MAPRE1: variants seen among roughly 807,000 people sequenced by gnomAD.
MAPRE1 encodes the protein microtubule associated protein RP/EB family member 1.
MAPRE1 carries 5 observed loss-of-function variants against 32.1 expected under a neutral mutation model. That is an observed-to-expected ratio of 0.16 (90% CI 0.08 to 0.33). MAPRE1 has a LOEUF of 0.33. Ranked by LOEUF, MAPRE1 falls within the 10% of genes least tolerant of loss-of-function variation. MAPRE1 has a pLI of 1.00. For missense variants in MAPRE1, 209 were observed against 327.2 expected, an observed-to-expected ratio of 0.64 and a Z score of 2.79; for synonymous variants, 122 against 118.9, an observed-to-expected ratio of 1.03 and a Z score of -0.17.
chr20:32,828,030 C>G (rs558032633), intron 2 of MAPRE1, among the ~76,000 whole-genome samples: 1 of 151,096 alleles, frequency 6.6e-6, no homozygotes, highest in Non-Finnish European at 1.5e-5. Context: ...TTGTTATTTC[C>G]TTGGTGAGGT....
chr20:32,826,663 A>G (rs1982861834), intron 2 of MAPRE1, among the ~76,000 whole-genome samples: 1 of 149,848 alleles, frequency 6.7e-6, no homozygotes, highest in African/African-American at 2.5e-5. Flanking sequence ...AGTACCTGGG[A>G]CTACAGGCGT....
intron 6 of MAPRE1, among the ~76,000 whole-genome samples, chr20:32,848,444 A>G (rs1983564318): frequency 6.6e-6 from 1 of 152,228 alleles, no homozygotes; most frequent in Non-Finnish European, 1.5e-5. Context: ...TAATGAAGAC[A>G]ATGTAAATAT....
chr20:32,838,144 A>G (rs897793626), intron 4 of MAPRE1, among the ~76,000 whole-genome samples: 1 of 152,044 alleles, frequency 6.6e-6, no homozygotes. Context: ...CACTTTCCCC[A>G]GCTTTACCCC....
At chr20:32,820,372 T>A (rs1982658894) in intron 1 of MAPRE1, among the ~76,000 whole-genome samples, 1 of 147,090 alleles carries the variant, frequency 6.8e-6, no homozygotes, top group Non-Finnish European at 1.5e-5. Flanking sequence ...AGGTGGGCCG[T>A]CCTGGGAGCT....
chr20:32,849,597 A>T lies in MAPRE1; in HGVS notation c.*869A>T, dbSNP rs1568885288. On this transcript the variant is annotated 3_prime_UTR_variant, in exon 7 of 7. Transcript: ENST00000375571. ...GGGATTTGAATGGGGATTGTATCCCATTTTACTGTCTTTTAGGTTTACATT... is the reference window on the plus strand; with the variant it reads ...GGGATTTGAATGGGGATTGTATCCCTTTTTACTGTCTTTTAGGTTTACATT... The T allele has an allele frequency of 6.6e-6, 1 of 152,584 alleles. No individual in the cohort carries two copies. The highest frequency in any genetic ancestry group is 6.5e-5 in the Admixed American group (1 of 15,270). The allele number at this position is 152,584 out of a possible 1,614,324, so 9.5% of individuals were successfully genotyped here.
At chr20:32,839,054 A>G (rs1338899386) in intron 4 of MAPRE1, among the ~76,000 whole-genome samples, 1 of 152,162 alleles carries the variant, frequency 6.6e-6, no homozygotes, top group Non-Finnish European at 1.5e-5. Context: ...GTCTATAAAT[A>G]CTAGTCAGTG....
chr20:32,830,584 T>C lies in MAPRE1; in HGVS notation c.122-3133T>C, dbSNP rs148343876. On this transcript the variant is annotated intron_variant, in intron 2 of 6. Coordinates refer to ENST00000375571, the MANE Select transcript of MAPRE1 (RefSeq NM_012325.3). The stretch of plus-strand genomic sequence containing the variant: ...TAGATCCAGCCCCTTCTCAGATTGC[T>C]CACTGCTGCTGCAGTGGCCTCCTGA... 1.2e-4 allele frequency among the ~76,000 whole-genome samples: 19 copies of C among 152,292 alleles called. 1 individual carries two copies. The highest frequency in any genetic ancestry group is 3.4e-3 in the Middle Eastern group (1 of 294).
chr20:32,843,440 A>G (rs1354943000), intron 5 of MAPRE1: 4 of 152,222 alleles, frequency 2.6e-5, no homozygotes, highest in Non-Finnish European at 5.9e-5. Flanking sequence ...AGTCCAAAGC[A>G]GTGCTGTCCA....
chr20:32,832,171 C>T (rs1190697512), intron 2 of MAPRE1, among the ~76,000 whole-genome samples: 1 of 152,166 alleles, frequency 6.6e-6, no homozygotes, highest in African/African-American at 2.4e-5. Context: ...TCGGCCTGAC[C>T]TCAAGTAAGT....
Position 32,839,786 on chromosome 20 carries a change from G to C in MAPRE1, c.527G>C (p.Gly176Ala). Residue 176 changes from glycine (G) to alanine (A), a missense_variant, in exon 5 of 7, where the codon GGC becomes GCC. Around this residue, in one of 3 missense-constraint regions of MAPRE1, gnomAD observed 106 missense variants for 115.3 expected, o/e 0.92. Coordinates refer to ENST00000375571, the MANE Select transcript of MAPRE1 (RefSeq NM_012325.3). ...TQRTAAAPKAGPGVVRKNPGV... is the reference protein window; with the variant it reads ...TQRTAAAPKAAPGVVRKNPGV... Reference sequence around the variant, plus strand: ...AGAACCGCTGCGGCTCCTAAGGCTGGCCCTGGTGTGGTGCGAAAGAACCCT... The same window carrying C: ...AGAACCGCTGCGGCTCCTAAGGCTGCCCCTGGTGTGGTGCGAAAGAACCCT... The C allele has an allele frequency of 2.5e-6, 4 of 1,614,212 alleles. No homozygotes were observed. The highest frequency in any genetic ancestry group is 3.4e-6 in the Non-Finnish European group (4 of 1,180,036).
chr20:32,839,922 G>A, intron 5 of MAPRE1, 66 bp downstream of exon 5: 1 of 1,596,492 alleles, frequency 6.3e-7, no homozygotes, highest in East Asian at 2.2e-5. Flanking sequence ...TGGCCAGGGT[G>A]CCTTATCCGT....
chr20:32,824,632 C>T (rs1032677865), intron 1 of MAPRE1, among the ~76,000 whole-genome samples: 1 of 151,276 alleles, frequency 6.6e-6, no homozygotes, highest in African/African-American at 2.4e-5. Flanking sequence ...TTTTTAATAT[C>T]TAGGTATTGA....
intron 3 of MAPRE1, 130 bp from the exon 4 acceptor site, chr20:32,836,504 C>A: frequency 1.6e-6 from 1 of 613,106 alleles, no homozygotes; most frequent in African/African-American, 1.9e-5. Flanking sequence ...AATTTAGGGG[C>A]TTAGCCCTAA....
chr20:32,837,363 CT>C (rs1488924050), intron 4 of MAPRE1, among the ~76,000 whole-genome samples: 3 of 152,178 alleles, frequency 2.0e-5, no homozygotes, highest in Non-Finnish European at 4.4e-5. Flanking sequence ...TGCCCTAGAA[CT>C]TTAGCTGCTA....
chr20:32,826,013 A>G lies in MAPRE1; in HGVS notation c.86A>G (p.Gln29Arg), dbSNP rs761590869. The change falls in exon 2 of 7, where the codon CAG becomes CGG. Residue 29 changes from glutamine (Q) to arginine (R), a missense_variant. This residue lies in a region of MAPRE1 where 67 missense variants were observed against 140.0 expected (regional missense o/e 0.48). Coordinates refer to ENST00000375571, the MANE Select transcript of MAPRE1 (RefSeq NM_012325.3). ...DMLAWINESLQLNLTKIEQLC... is the reference protein window; with the variant it reads ...DMLAWINESLRLNLTKIEQLC... Reference sequence around the variant, plus strand: ...CTGGCCTGGATCAATGAGTCTCTGCAGTTGAATCTGACAAAGATCGAACAG... The same window carrying G: ...CTGGCCTGGATCAATGAGTCTCTGCGGTTGAATCTGACAAAGATCGAACAG... The G allele has an allele frequency of 7.5e-6, 12 of 1,608,636 alleles. No homozygotes were observed. The East Asian group carries it at 1.6e-4, about 21-fold the overall frequency.
chr20:32,831,842 CTTTT>C (rs1983035574), intron 2 of MAPRE1, among the ~76,000 whole-genome samples: 1 of 145,004 alleles, frequency 6.9e-6, no homozygotes, highest in East Asian at 2.0e-4. Context: ...GCCAATTTTT[CTTTT>C]TTTTAATTGT....
rs58685497 is a variant in MAPRE1 at position 32,831,947 on chromosome 20, CAA to C, written c.122-1754_122-1753del. ...GTTTTTAAAAAAAGTTCGTCCGTTT[CAA>C]AAAAAAAAAAAAAAACAAAAGAATG... On this transcript the variant is annotated intron_variant, in intron 2 of 6. Coordinates refer to ENST00000375571, the MANE Select transcript of MAPRE1 (RefSeq NM_012325.3). Among the ~76,000 whole-genome samples, 352 of 111,586 alleles carry C rather than the reference CAA, an allele frequency of 3.2e-3. 2 individuals carry two copies. The highest frequency in any genetic ancestry group is 9.5e-3 in the African/African-American group (318 of 33,648). 73.2% of individuals were successfully genotyped at this position (111,586 alleles called of 152,430 possible).
chr20:32,825,814 T>C (rs1601159701), intron 1 of MAPRE1, 111 bp from the exon 2 acceptor site: 1 of 739,902 alleles, frequency 1.4e-6, no homozygotes, highest in African/African-American at 1.8e-5. Flanking sequence ...TAAAATAAAA[T>C]AAAATTGAGT....
intron 3 of MAPRE1, among the ~76,000 whole-genome samples, chr20:32,835,226 A>G (rs1983154341): frequency 6.6e-6 from 1 of 152,154 alleles, no homozygotes; most frequent in African/African-American, 2.4e-5. Flanking sequence ...CCCCATCTCT[A>G]AAAAAGATTA....
Sources: gnomAD v4.1 joint callset for allele counts (sites outside exome capture counted in the v4.1 genomes callset) on GRCh38, gnomAD v4.1.1 for gene constraint, gnomAD v4.1.1 regional missense constraint, MANE v1.5 for transcripts, NCBI Gene and HGNC (gene_info 2026-07-23, HGNC 2026-07-21) for gene names.